MYO16: variants seen among roughly 807,000 people sequenced by gnomAD.
MYO16 encodes the protein unconventional myosin-XVI.
A neutral mutation model predicts 205.3 loss-of-function variants in MYO16; 94 were observed. That is an observed-to-expected ratio of 0.46 (90% CI 0.39 to 0.54). The LOEUF is 0.54. Ranked by LOEUF, MYO16 falls within the 20% of genes least tolerant of loss-of-function variation. MYO16 has a pLI of 0.00. For synonymous variants in MYO16, 988 were observed against 954.0 expected (o/e 1.04, Z -0.66); for missense variants, 2,315 against 2,387.5 (o/e 0.97, Z 0.63).
rs145256508 is a variant in MYO16, at chr13:108,963,414, A to G, written c.2227+919A>G. Among the ~76,000 whole-genome samples the G allele has an allele frequency of 1.1e-3, 173 of 152,162 alleles. 1 individual carries two copies. The highest frequency in any genetic ancestry group is 4.0e-3 in the African/African-American group (167 of 41,506). On this transcript the variant is annotated intron_variant, in intron 19 of 34. Transcript: ENST00000457511. ...TAGCTCTTTCTCTTCTACCTCCTCC[A>G]TGCATAGGTCAGACACACGCCATAA...
At chr13:109,186,574 G>T (rs753241608) in intron 34 of MYO16, among the ~76,000 whole-genome samples, 3 of 152,076 alleles carry the variant, frequency 2.0e-5, no homozygotes, top group Non-Finnish European at 4.4e-5. Context: ...AAGGAAGTGA[G>T]CATACATTCT....
rs2139100889 is a variant in MYO16 at position 108,855,502 on chromosome 13, T to C, written c.1308T>C (p.Asp436=). ...DDLATLSELN[D]GSLLYEIQKR... ...TGGCAACGCTCAGCGAGCTCAATGA[T>C]GGCAGCCTGCTCTATGAGATTCAGA... The change falls in exon 11 of 35, where the codon GAT becomes GAC. Residue 436 remains aspartate, a synonymous_variant. Coordinates refer to ENST00000457511, the MANE Select transcript of MYO16 (RefSeq NM_001198950.3). 6.3e-7 allele frequency: 1 copy of C among 1,599,472 alleles called. No homozygotes were observed. The highest frequency in any genetic ancestry group is 8.6e-7 in the Non-Finnish European group (1 of 1,168,510).
intron 16 of MYO16, among the ~76,000 whole-genome samples, chr13:108,920,838 A>G (rs944820465): frequency 3.9e-5 from 6 of 152,202 alleles, no homozygotes; most frequent in Non-Finnish European, 7.3e-5. Flanking sequence ...AATGAACCAT[A>G]TGGAGATGTG....
At chr13:108,734,930 G>C (rs1884640812) in intron 4 of MYO16, among the ~76,000 whole-genome samples, 1 of 152,156 alleles carries the variant, frequency 6.6e-6, no homozygotes. Context: ...CTCCTAGAAA[G>C]TCCAGTGAGA....
chr13:109,090,238 G>A (rs1888576971), intron 27 of MYO16, among the ~76,000 whole-genome samples: 1 of 152,198 alleles, frequency 6.6e-6, no homozygotes, highest in South Asian at 2.1e-4. Flanking sequence ...GAACTGAGAA[G>A]CCTCATACGG....
chr13:108,723,433 CT>C (rs1884234275), intron 3 of MYO16, among the ~76,000 whole-genome samples: 1 of 151,868 alleles, frequency 6.6e-6, no homozygotes, highest in South Asian at 2.1e-4. Flanking sequence ...CTGTTATGTT[CT>C]TTTTAGAACT....
chr13:109,206,541 T>TC, intron 34 of MYO16, 68 bp from the exon 35 acceptor site: 1 of 1,069,324 alleles, frequency 9.4e-7, no homozygotes, highest in Non-Finnish European at 1.4e-6. Context: ...CAGGTGTTGC[T>TC]ATCACACTTC....
chr13:109,074,656 A>G (rs1283039281), intron 27 of MYO16, among the ~76,000 whole-genome samples: 2 of 152,066 alleles, frequency 1.3e-5, no homozygotes, highest in Non-Finnish European at 2.9e-5. Context: ...ATCAGATCTC[A>G]TGAAAACTCA....
At chr13:108,727,633 A>T (rs1566574355) in intron 4 of MYO16, 50 bp downstream of exon 4, 1 of 1,569,380 alleles carries the variant, frequency 6.4e-7, no homozygotes, top group Non-Finnish European at 8.6e-7. Flanking sequence ...GGCATGTAAA[A>T]GGCTATATAT....
At chr13:109,040,631 A>G (rs1001777914) in intron 23 of MYO16, among the ~76,000 whole-genome samples, 4 of 152,150 alleles carry the variant, frequency 2.6e-5, no homozygotes, top group Non-Finnish European at 5.9e-5. Context: ...ATATCACAGG[A>G]TGAAGAAAAA....
Position 109,168,633 on chromosome 13 carries a change from G to C in MYO16, c.5323+3574G>C, listed in dbSNP as rs537637182. Among the ~76,000 whole-genome samples the C allele has an allele frequency of 3.9e-5, 6 of 152,288 alleles. No individual in the cohort carries two copies. The South Asian group carries it at 1.2e-3, about 32-fold the overall frequency. On this transcript the variant is annotated intron_variant, in intron 33 of 34. Transcript: ENST00000457511. The stretch of plus-strand genomic sequence containing the variant: ...CCGGCGACTCGGAAAGCTGAGGTAG[G>C]AGAATTGCTTGAACCCAGGAGGCGG...
chr13:109,197,965 A>G (rs1880228995), intron 34 of MYO16, among the ~76,000 whole-genome samples: 1 of 152,170 alleles, frequency 6.6e-6, no homozygotes, highest in Non-Finnish European at 1.5e-5. Flanking sequence ...TGTTTTTCCC[A>G]CTTTATGCCA....
chr13:108,549,073 G>C, the MYO16 span, among the ~76,000 whole-genome samples: 107 of 152,296 alleles, frequency 7.0e-4, no homozygotes, highest in Non-Finnish European at 1.3e-3. Flanking sequence ...GAATCTTACT[G>C]ATTGTTAGAT....
At chr13:108,974,195 C>T (rs988330218) in intron 20 of MYO16, among the ~76,000 whole-genome samples, 27 of 152,072 alleles carry the variant, frequency 1.8e-4, no homozygotes, top group African/African-American at 6.3e-4. Context: ...ATGTGCTTTT[C>T]GGGTATCCAA....
At chr13:108,929,292 C>T (rs1402623893) in intron 16 of MYO16, among the ~76,000 whole-genome samples, 1 of 152,086 alleles carries the variant, frequency 6.6e-6, no homozygotes, top group Non-Finnish European at 1.5e-5. Context: ...TTCCAGAAGG[C>T]AGCATATGCA....
At chr13:108,969,573 G>T (rs2139385184) in intron 20 of MYO16, among the ~76,000 whole-genome samples, 1 of 152,260 alleles carries the variant, frequency 6.6e-6, no homozygotes, top group South Asian at 2.1e-4. Flanking sequence ...TTCTCCCCAA[G>T]GAGGCATCAC....
intron 15 of MYO16, among the ~76,000 whole-genome samples, chr13:108,905,701 A>T (rs1266677774): frequency 6.6e-6 from 1 of 152,198 alleles, no homozygotes; most frequent in Non-Finnish European, 1.5e-5. Flanking sequence ...TCATATGGCT[A>T]CTGTGGGTTA....
At chr13:108,933,351 C>T (rs1021259781) in intron 16 of MYO16, among the ~76,000 whole-genome samples, 1 of 152,146 alleles carries the variant, frequency 6.6e-6, no homozygotes, top group African/African-American at 2.4e-5. Flanking sequence ...GTGGACTAAA[C>T]AAGTTGTTCT....
At chr13:108,726,723 T>C (rs778499950) in intron 3 of MYO16, among the ~76,000 whole-genome samples, 1 of 152,124 alleles carries the variant, frequency 6.6e-6, no homozygotes, top group East Asian at 1.9e-4. Context: ...GTTGCATAGA[T>C]TGTACACCCG....
Sources: gnomAD v4.1 joint callset for allele counts (sites outside exome capture counted in the v4.1 genomes callset) on GRCh38, gnomAD v4.1.1 for gene constraint, MANE v1.5 for transcripts, NCBI Gene and HGNC (gene_info 2026-07-23, HGNC 2026-07-21) for gene names.